The following GRIP1 variants were observed in gnomAD, a reference collection of about 807,000 sequenced individuals.
GRIP1 encodes the protein glutamate receptor interacting protein 1.
GRIP1 carries 45 observed loss-of-function variants against 129.9 expected under a neutral mutation model. That is an observed-to-expected ratio of 0.35 (90% CI 0.27 to 0.44). The LOEUF (loss-of-function observed/expected upper bound fraction) is 0.44. GRIP1 is among the 20% of genes least tolerant of loss of function. GRIP1 has a pLI of 1.00. For missense variants in GRIP1, 1,196 were observed against 1,396.8 expected (o/e 0.86, Z 2.29); for synonymous variants, 530 against 520.8 (o/e 1.02, Z -0.24).
At chr12:66,994,778 T>C (rs1292887726) in intron 1 of GRIP1, among the ~76,000 whole-genome samples, 3 of 152,044 alleles carry the variant, frequency 2.0e-5, no homozygotes, top group Admixed American at 6.6e-5. Context: ...TCAAAATTAA[T>C]CTACAGATTT....
intron 1 of GRIP1, among the ~76,000 whole-genome samples, chr12:66,831,635 G>T (rs951114269): frequency 2.0e-5 from 3 of 152,148 alleles, no homozygotes; most frequent in African/African-American, 7.2e-5. Context: ...AAATAACTTT[G>T]CTGTGGTCAC....
In GRIP1 at chr12:66,837,418, T is replaced by C. The variant is rs541344228; in HGVS notation, c.58+231632A>G. ...AAGGTGTCTCAGGAAACCATTGATG[T>C]GCACTCGGTATGCTTTCAGAAAAGG... On this transcript the variant is annotated intron_variant, in intron 1 of 1. Coordinates refer to the GRIP1 transcript ENST00000643019. Among the ~76,000 whole-genome samples, 15 of 152,310 alleles carry C rather than the reference T, an allele frequency of 9.8e-5. No homozygotes were observed. In the South Asian group the frequency reaches 2.3e-3, roughly 23 times the overall value.
chr12:66,535,040 G>A (rs79882422), intron 4 of GRIP1, among the ~76,000 whole-genome samples: 2,070 of 152,116 alleles, frequency 0.014, 26 homozygotes, highest in Non-Finnish European at 0.023. Flanking sequence ...TGTGGGCTGG[G>A]CTGTCATCTT....
intron 1 of GRIP1, among the ~76,000 whole-genome samples, chr12:66,713,609 G>A (rs952403517): frequency 7.2e-5 from 11 of 151,932 alleles, no homozygotes; most frequent in African/African-American, 2.2e-4. Context: ...ATCCTCCACT[G>A]TCCATCACCC....
intron 1 of GRIP1, among the ~76,000 whole-genome samples, chr12:66,765,362 G>T (rs1198245927): frequency 6.6e-6 from 1 of 152,178 alleles, no homozygotes; most frequent in Admixed American, 6.5e-5. Context: ...GGATGTCAAA[G>T]CTCTCATCTT....
chr12:66,823,752 C>CAGAGTAG (rs1331022984), intron 1 of GRIP1, among the ~76,000 whole-genome samples: 2 of 151,912 alleles, frequency 1.3e-5, no homozygotes, highest in Non-Finnish European at 2.9e-5. Flanking sequence ...ACACCACTCA[C>CAGAGTAG]AGAATTCAAG....
At chr12:66,451,500 C>T (rs536247718) in intron 11 of GRIP1, among the ~76,000 whole-genome samples, 8 of 139,320 alleles carry the variant, frequency 5.7e-5, no homozygotes, top group Non-Finnish European at 9.1e-5. Flanking sequence ...ATCTTCTGGG[C>T]TCAAGCGATC....
intron 7 of GRIP1, among the ~76,000 whole-genome samples, chr12:66,503,522 T>C (rs2138799087): frequency 6.6e-6 from 1 of 152,164 alleles, no homozygotes; most frequent in East Asian, 1.9e-4. Context: ...TCTAAAGCTT[T>C]CTAAAATAAA....
intron 19 of GRIP1, among the ~76,000 whole-genome samples, chr12:66,380,772 T>C (rs2056069766): frequency 6.6e-6 from 1 of 152,216 alleles, no homozygotes; most frequent in Non-Finnish European, 1.5e-5. Context: ...TAGGTCTGAT[T>C]CCATAGCTTG....
At chr12:66,453,592 ATAGC>A (rs373564442) in intron 11 of GRIP1, among the ~76,000 whole-genome samples, 128 of 152,362 alleles carry the variant, frequency 8.4e-4, no homozygotes, top group African/African-American at 3.0e-3. Flanking sequence ...ACTATTCAAA[ATAGC>A]TAACAATTAA....
At chr12:66,457,587 T>G (rs1376991721) in intron 9 of GRIP1, among the ~76,000 whole-genome samples, 1 of 152,204 alleles carries the variant, frequency 6.6e-6, no homozygotes, top group African/African-American at 2.4e-5. Flanking sequence ...TCCTTCTACT[T>G]TCATGATTTT....
intron 9 of GRIP1, among the ~76,000 whole-genome samples, chr12:66,460,790 A>G (rs2059114005): frequency 6.6e-6 from 1 of 152,236 alleles, no homozygotes; most frequent in Non-Finnish European, 1.5e-5. Flanking sequence ...GAGAAAGGGT[A>G]AAACTATGTA....
At chr12:66,487,571 A>T (rs2059989581) in intron 7 of GRIP1, among the ~76,000 whole-genome samples, 1 of 152,180 alleles carries the variant, frequency 6.6e-6, no homozygotes, top group African/African-American at 2.4e-5. Flanking sequence ...AAGCAACCAC[A>T]TAAACAAGTC....
At chr12:66,641,110 T>G (rs1008649212) in intron 1 of GRIP1, among the ~76,000 whole-genome samples, 2 of 152,240 alleles carry the variant, frequency 1.3e-5, no homozygotes, top group African/African-American at 4.8e-5. Context: ...TTATCTGACA[T>G]GCTGAGGTAG....
chr12:66,666,517 T>C (rs1022015400), intron 1 of GRIP1, among the ~76,000 whole-genome samples: 12 of 152,194 alleles, frequency 7.9e-5, no homozygotes, highest in African/African-American at 4.8e-5. Flanking sequence ...AATTCTATCA[T>C]ATTATAATTA....
chr12:66,600,581 A>G (rs1202045435), intron 1 of GRIP1, among the ~76,000 whole-genome samples: 1 of 152,200 alleles, frequency 6.6e-6, no homozygotes. Context: ...TTGATAGCCT[A>G]TTCCTTTTAA....
chr12:67,017,676 C>T (rs1007328562), intron 1 of GRIP1, among the ~76,000 whole-genome samples: 3 of 151,982 alleles, frequency 2.0e-5, no homozygotes, highest in Admixed American at 6.6e-5. Context: ...TGTTGGCCAG[C>T]TCCAGGTCTA....
intron 11 of GRIP1, among the ~76,000 whole-genome samples, chr12:66,450,489 T>A (rs1236678988): frequency 1.3e-5 from 2 of 151,586 alleles, no homozygotes; most frequent in East Asian, 3.9e-4. Flanking sequence ...AAATAAGTAC[T>A]AATTTAATGT....
chr12:66,400,735 T>C (rs1353523287), intron 16 of GRIP1, among the ~76,000 whole-genome samples: 2 of 152,218 alleles, frequency 1.3e-5, no homozygotes, highest in African/African-American at 4.8e-5. Flanking sequence ...AATAGCTGTA[T>C]ATTTGATTGA....
Sources: gnomAD v4.1 joint callset for allele counts (sites outside exome capture counted in the v4.1 genomes callset) on GRCh38, gnomAD v4.1.1 for gene constraint, MANE v1.5 for transcripts, NCBI Gene and HGNC (gene_info 2026-07-23, HGNC 2026-07-21) for gene names.